Variants in CLEC2A observed in about 807,000 individuals in gnomAD.
CLEC2A encodes keratinocyte-associated C-type lectin.
CLEC2A carries 19 observed loss-of-function variants against 18.6 expected under a neutral mutation model. The observed-to-expected ratio is 1.02, with a 90% confidence interval of 0.71 to 1.50. The LOEUF is 1.50. CLEC2A is among the 40% of genes most tolerant of loss of function. The pLI is 0.00. For synonymous variants in CLEC2A, 74 were observed against 64.0 expected, an observed-to-expected ratio of 1.16 and a Z score of -0.75; for missense variants, 190 against 207.9, an observed-to-expected ratio of 0.91 and a Z score of 0.53.
At chr12:9,895,815 T>C (rs1862750358), downstream of CLEC2A, 4 of 1,533,158 alleles carry the variant, frequency 2.6e-6, no homozygotes, top group Non-Finnish European at 3.5e-6. Flanking sequence ...TGACGCACAA[T>C]GGAACCAGTG....
chr12:9,883,719 G>A, the CLEC2A span, among the ~76,000 whole-genome samples: 56 of 152,192 alleles, frequency 3.7e-4, no homozygotes, highest in Admixed American at 3.1e-3. Context: ...AATTATTTTG[G>A]ACTTAGTAAT....
the CLEC2A span, among the ~76,000 whole-genome samples, chr12:9,879,325 C>T: frequency 6.6e-6 from 1 of 152,158 alleles, no homozygotes; most frequent in South Asian, 2.1e-4. Context: ...GTAGGCAAAG[C>T]TCTTCGCAGA....
chr12:9,913,912 A>AG (rs1863027417), intron 4 of CLEC2A, among the ~76,000 whole-genome samples: 1 of 152,238 alleles, frequency 6.6e-6, no homozygotes, highest in African/African-American at 2.4e-5. Flanking sequence ...ACTTGTAGAT[A>AG]GGCAGATAGA....
the CLEC2A span, among the ~76,000 whole-genome samples, chr12:9,882,420 A>C: frequency 2.0e-5 from 3 of 152,174 alleles, no homozygotes; most frequent in African/African-American, 4.8e-5. Flanking sequence ...TCATGAAACA[A>C]ATGTTTACTT....
chr12:9,888,736 A>C, the CLEC2A span: 1 of 1,493,156 alleles, frequency 6.7e-7, no homozygotes, highest in Non-Finnish European at 9.0e-7. Flanking sequence ...AGTACAGATA[A>C]AAAAATGGAT....
At position 9,902,125 on chromosome 12, in the gene CLEC2A, T is replaced by C. The variant is rs1385216870; in HGVS notation, c.411-3149A>G. ...ATTTTACTGTTCTTACATACCTTGC[T>C]TGTAAATCTATTTTCAGTAGTTTCC... is the stretch of plus-strand genomic sequence containing the variant. On this transcript the variant is annotated intron_variant, in intron 4 of 4. Coordinates refer to the CLEC2A transcript ENST00000339766. 3.3e-5 allele frequency among the ~76,000 whole-genome samples: 5 copies of C among 152,222 alleles called. No homozygotes were observed. The East Asian group carries it at 7.7e-4, about 23-fold the overall frequency.
the CLEC2A span, among the ~76,000 whole-genome samples, chr12:9,878,899 G>A: frequency 6.6e-6 from 1 of 152,152 alleles, no homozygotes; most frequent in African/African-American, 2.4e-5. Flanking sequence ...TTAGGAGGAT[G>A]GGGGGATGGA....
At chr12:9,884,539 A>G in the CLEC2A span, among the ~76,000 whole-genome samples, 3 of 149,894 alleles carry the variant, frequency 2.0e-5, no homozygotes, top group African/African-American at 4.9e-5. Flanking sequence ...TACATTTTAT[A>G]TATTATTCTT....
chr12:9,930,100 A>T (rs1565537003), intron 1 of CLEC2A, among the ~76,000 whole-genome samples: 2 of 152,092 alleles, frequency 1.3e-5, no homozygotes, highest in Non-Finnish European at 2.9e-5. Context: ...TGTTGGTCGG[A>T]TGGGTTCCTT....
the CLEC2A span, among the ~76,000 whole-genome samples, chr12:9,888,336 AAAAATTAGCT>A: frequency 6.6e-6 from 1 of 151,298 alleles, no homozygotes; most frequent in South Asian, 2.1e-4. Flanking sequence ...TAAAAATACA[AAAAATTAGCT>A]GGGCATGGTG....
downstream of CLEC2A, among the ~76,000 whole-genome samples, chr12:9,910,218 T>C (rs1400999016): frequency 6.6e-6 from 1 of 152,216 alleles, no homozygotes; most frequent in Non-Finnish European, 1.5e-5. Flanking sequence ...TGTTTGGTTC[T>C]TTTATTATCT....
rs1327255779 is a variant in CLEC2A at position 9,913,609 on chromosome 12, A to G, written c.482T>C (p.Ile161Thr). ...TTTGCTGCAAATCCACTTGATATCA[A>G]TAAATCCTCTGGAACTATGGACTCC... ...ADGVHSSRGF[I>T]DIKWICSKPK... The change falls in exon 5 of 5, where the codon ATT becomes ACT. Residue 161 changes from isoleucine to threonine, a missense_variant. Ile to Thr is a moderately conservative substitution (Grantham distance 89). Transcript: ENST00000455827. 1.9e-6 allele frequency: 3 copies of G among 1,550,078 alleles called. No homozygotes were observed. The highest frequency in any genetic ancestry group is 2.6e-6 in the Non-Finnish European group (3 of 1,146,816).
the CLEC2A span, among the ~76,000 whole-genome samples, chr12:9,892,392 G>A: frequency 2.6e-5 from 4 of 152,030 alleles, no homozygotes; most frequent in African/African-American, 7.3e-5. Flanking sequence ...CCAGATAGTG[G>A]AGGAAATTAA....
chr12:9,898,825 G>A, exon 5 of CLEC2A: 1 of 684,774 alleles, frequency 1.5e-6, no homozygotes, highest in South Asian at 1.5e-5. Flanking sequence ...TAAGGATAAG[G>A]ATGAAGACAG....
At chr12:9,901,911 T>C (rs1862833954) in intron 4 of CLEC2A, among the ~76,000 whole-genome samples, 1 of 149,914 alleles carries the variant, frequency 6.7e-6, no homozygotes, top group African/African-American at 2.5e-5. Flanking sequence ...AAAAATCATA[T>C]AATATCCTTC....
At chr12:9,898,803 CT>C in exon 5 of CLEC2A, 1 of 603,128 alleles carries the variant, frequency 1.7e-6, no homozygotes, top group South Asian at 1.9e-5. Context: ...GTACATCTAA[CT>C]GCCGTTATAT....
chr12:9,916,703 C>A lies in CLEC2A; in HGVS notation c.407G>T (p.Gly136Val), dbSNP rs526680. 24 of 1,534,490 alleles carry A rather than the reference C, an allele frequency of 1.6e-5. No individual in the cohort carries two copies. The highest frequency in any genetic ancestry group is 5.5e-5 in the African/African-American group (4 of 72,654). The change falls in exon 4 of 5, where the codon GGT (glycine) becomes GTT (valine). Residue 136 changes from glycine (G) to valine (V), a missense_variant. Coordinates refer to ENST00000455827, the MANE Select transcript of CLEC2A (RefSeq NM_001130711.2). Reference sequence around the variant, plus strand: ...TGCTAATACATTGGAAACTCACCAACCATTGAATGTGGTGCCATTTGTCCA... The same window carrying A: ...TGCTAATACATTGGAAACTCACCAAACATTGAATGTGGTGCCATTTGTCCA... ...WKWTNGTTFN[G>V]WFEIIGNGSF...
At chr12:9,899,958 G>T (rs114900097) in intron 4 of CLEC2A, among the ~76,000 whole-genome samples, 2,216 of 152,272 alleles carry the variant, frequency 0.015, 33 homozygotes, top group Non-Finnish European at 0.022. Flanking sequence ...CAGAGGAGTT[G>T]CATGGACTCC....
chr12:9,913,796 A>T (rs1304872504), intron 4 of CLEC2A, 116 bp from the exon 5 acceptor site: 2 of 628,894 alleles, frequency 3.2e-6, no homozygotes, highest in African/African-American at 3.7e-5. Context: ...CCCAGAAAAT[A>T]TACCCACCCA....
Sources: gnomAD v4.1 joint callset for allele counts (sites outside exome capture counted in the v4.1 genomes callset) on GRCh38, gnomAD v4.1.1 for gene constraint, MANE v1.5 for transcripts, NCBI Gene and HGNC (gene_info 2026-07-23, HGNC 2026-07-21) for gene names.